Variants in ARID4A observed in about 807,000 individuals in gnomAD.
The protein encoded by ARID4A is AT-rich interaction domain 4A.
Under a neutral mutation model 148.6 loss-of-function variants are expected in ARID4A, and 39 were observed. That is an observed-to-expected ratio of 0.26 (90% CI 0.20 to 0.34). ARID4A has a LOEUF of 0.34. ARID4A is among the 10% of genes least tolerant of loss of function. The probability of loss-of-function intolerance (pLI) is 1.00; values close to 1 mark genes in which losing one functional copy is unlikely to be tolerated. For missense variants in ARID4A, 1,265 were observed against 1,449.1 expected, an observed-to-expected ratio of 0.87 and a Z score of 2.06; for synonymous variants, 475 against 481.2, an observed-to-expected ratio of 0.99 and a Z score of 0.17.
intron 5 of ARID4A, among the ~76,000 whole-genome samples, chr14:58,317,326 A>G (rs1339172720): frequency 7.5e-6 from 1 of 133,972 alleles, no homozygotes; most frequent in Non-Finnish European, 1.6e-5. Flanking sequence ...GCTCTGTCGT[A>G]GAGGCTGGAG....
chr14:58,314,448 A>T (rs1381781150), intron 5 of ARID4A, among the ~76,000 whole-genome samples: 1 of 152,124 alleles, frequency 6.6e-6, no homozygotes, highest in East Asian at 1.9e-4. Flanking sequence ...GAAATATAGA[A>T]TCAGGGTCTC....
intron 5 of ARID4A, among the ~76,000 whole-genome samples, chr14:58,316,673 C>T (rs1454876107): frequency 6.6e-6 from 1 of 152,004 alleles, no homozygotes; most frequent in Non-Finnish European, 1.5e-5. Context: ...CTCTGCCTGC[C>T]GGGTTCAAGA....
chr14:58,317,141 T>C (rs1293985026), intron 5 of ARID4A, among the ~76,000 whole-genome samples: 42 of 137,756 alleles, frequency 3.0e-4, no homozygotes, highest in African/African-American at 1.0e-3. Context: ...TGCAGTGAGC[T>C]GAGATCGCGC....
chr14:58,347,843 A>T lies in ARID4A; in HGVS notation c.1369A>T (p.Ser457Cys). ...PEENIDSNSE[S>C]EREEIELKSP... ...GGAAAATATCGATTCAAACAGTGAA[A>T]GTGAAAGAGAAGAGATAGAATTAAA... Residue 457 changes from serine (S) to cysteine (C), a missense_variant, in exon 15 of 24, where the codon AGT (serine) becomes TGT (cysteine). By Grantham distance (112) the Ser-to-Cys change is moderately radical. Transcript: ENST00000355431. The T allele has an allele frequency of 6.2e-7, 1 of 1,613,068 alleles. No homozygotes were observed. The highest frequency in any genetic ancestry group is 8.5e-7 in the Non-Finnish European group (1 of 1,179,554).
intron 18 of ARID4A, among the ~76,000 whole-genome samples, chr14:58,359,883 G>A (rs1278011416): frequency 6.6e-6 from 1 of 152,016 alleles, no homozygotes; most frequent in Non-Finnish European, 1.5e-5. Flanking sequence ...TGGCTAACAC[G>A]GTGAAACCCC....
At chr14:58,343,712 C>G (rs1243313857) in intron 11 of ARID4A, among the ~76,000 whole-genome samples, 2 of 151,932 alleles carry the variant, frequency 1.3e-5, no homozygotes, top group Non-Finnish European at 2.9e-5. Context: ...CTCCTGTAGT[C>G]CCAGCTACTC....
intron 18 of ARID4A, 99 bp downstream of exon 18, chr14:58,359,315 C>G: frequency 8.5e-7 from 1 of 1,182,828 alleles, no homozygotes; most frequent in Non-Finnish European, 1.2e-6. Context: ...AGGTTTATAC[C>G]AAGATTGAGA....
In ARID4A at chr14:58,301,715, T is replaced by TTTTAA. The variant is rs773619255; in HGVS notation, c.117+29_117+30insATTTA. On this transcript the variant is annotated intron_variant, in intron 3 of 23. Transcript: ENST00000355431. The stretch of plus-strand genomic sequence containing the variant: ...GGTAATATTTGTTTTTATGCAATAG[T>TTTTAA]TTTATTAACTCTAGATTGAAGAAAT... 3.2e-6 allele frequency: 5 copies of TTTTAA among 1,562,324 alleles called. No individual in the cohort carries two copies. The African/African-American group carries it at 5.4e-5, about 17-fold the overall frequency.
intron 3 of ARID4A, 111 bp from the exon 4 acceptor site, chr14:58,304,833 C>A: frequency 1.1e-6 from 1 of 878,848 alleles, no homozygotes; most frequent in Non-Finnish European, 1.8e-6. Flanking sequence ...TAGCAGGGGT[C>A]ACCACATGGT....
chr14:58,302,704 C>T (rs1345967018), intron 3 of ARID4A, among the ~76,000 whole-genome samples: 2 of 151,970 alleles, frequency 1.3e-5, no homozygotes, highest in Non-Finnish European at 2.9e-5. Flanking sequence ...CCTGCAGTCC[C>T]AGCACTTGGG....
At chr14:58,299,201 CCG>C (rs2030883283) in intron 1 of ARID4A, 1 of 152,634 alleles carries the variant, frequency 6.6e-6, no homozygotes, top group African/African-American at 2.4e-5. Flanking sequence ...CCTCCGCCCC[CCG>C]CCCCCTCCCC....
chr14:58,314,321 T>C (rs1469772282), intron 5 of ARID4A, among the ~76,000 whole-genome samples: 1 of 152,222 alleles, frequency 6.6e-6, no homozygotes, highest in Non-Finnish European at 1.5e-5. Context: ...AGATGAGAGC[T>C]CTAAGATGGA....
chr14:58,359,594 C>T (rs1379021218), intron 18 of ARID4A, among the ~76,000 whole-genome samples: 1 of 152,128 alleles, frequency 6.6e-6, no homozygotes, highest in East Asian at 1.9e-4. Flanking sequence ...TTATGTTCTG[C>T]TTATTCTTAC....
intron 5 of ARID4A, among the ~76,000 whole-genome samples, chr14:58,312,928 T>A (rs1295306811): frequency 6.6e-6 from 1 of 152,248 alleles, no homozygotes; most frequent in African/African-American, 2.4e-5. Context: ...GTTATTATTT[T>A]ACTATCTTTC....
In ARID4A at chr14:58,330,063, A is replaced by G; in HGVS notation, c.800A>G (p.Asp267Gly). 1 of 1,613,228 alleles carries G rather than the reference A, an allele frequency of 6.2e-7. No homozygotes were observed. Among genetic ancestry groups the G allele is most frequent in the South Asian group, 1.1e-5 (1 of 90,856 alleles). The change falls in exon 11 of 24, where the codon GAT (aspartate) becomes GGT (glycine). Residue 267 changes from aspartate (D) to glycine (G), a missense_variant. Physicochemically the swap from Asp to Gly is moderately conservative, Grantham distance 94. This residue lies in a region of ARID4A where 249 missense variants were observed against 277.2 expected (regional missense o/e 0.90). Coordinates refer to ENST00000355431, the MANE Select transcript of ARID4A (RefSeq NM_002892.4). ...TRVVPDNWKM[D>G]ISEILESSSS... is the part of the protein sequence containing the mutation. ...GTTGTTCCTGATAATTGGAAAATGG[A>G]TATAAGTGAAATCCTTGAGTCATCC... is the stretch of plus-strand genomic sequence containing the variant.
chr14:58,301,174 A>C (rs559709698), intron 2 of ARID4A, among the ~76,000 whole-genome samples: 2 of 152,290 alleles, frequency 1.3e-5, no homozygotes, highest in East Asian at 3.9e-4. Flanking sequence ...TGTTAGTGTT[A>C]ATATTAGTAG....
chr14:58,354,609 G>A (rs1454579043), intron 17 of ARID4A, among the ~76,000 whole-genome samples: 2 of 151,740 alleles, frequency 1.3e-5, no homozygotes, highest in Non-Finnish European at 2.9e-5. Context: ...CTGGAGCCCA[G>A]GAGTTGGAGG....
At chr14:58,311,674 T>C (rs551702991) in intron 5 of ARID4A, among the ~76,000 whole-genome samples, 32 of 152,248 alleles carry the variant, frequency 2.1e-4, no homozygotes, top group African/African-American at 7.0e-4. Context: ...AGCCAAGATA[T>C]GGGATAAATT....
chr14:58,371,746 A>G lies in ARID4A; in HGVS notation c.3671-140A>G. 4.2e-6 allele frequency: 3 copies of G among 710,024 alleles called. No homozygotes were observed. The South Asian group carries it at 5.0e-5, about 12-fold the overall frequency. The allele number at this position is 710,024 out of a possible 1,614,324, so 44.0% of individuals were successfully genotyped here. ...GAGCCAAACAAAATTTTTGCTGACAATTTGTTACTCCTTCATGTGACATAT... is the reference window on the plus strand; with the variant it reads ...GAGCCAAACAAAATTTTTGCTGACAGTTTGTTACTCCTTCATGTGACATAT... On this transcript the variant is annotated intron_variant, in intron 23 of 23. Coordinates refer to ENST00000355431, the MANE Select transcript of ARID4A (RefSeq NM_002892.4).
Sources: allele counts gnomAD v4.1 joint callset (sites outside exome capture counted in the v4.1 genomes callset), GRCh38; gene constraint gnomAD v4.1.1; regional missense constraint gnomAD v4.1.1; transcripts MANE v1.5; gene names NCBI Gene and HGNC (gene_info 2026-07-23, HGNC 2026-07-21).